Variants in SCAPER observed in about 807,000 individuals in gnomAD.
SCAPER encodes S-phase cyclin A associated protein in the ER.
A neutral mutation model predicts 182.2 loss-of-function variants in SCAPER; 98 were observed. The ratio of observed to expected loss-of-function variants is 0.54; its 90% CI spans 0.46 to 0.64. SCAPER has a LOEUF of 0.64. SCAPER is among the 30% of genes least tolerant of loss of function. SCAPER has a pLI of 0.00. For synonymous variants in SCAPER, 605 were observed against 564.6 expected (o/e 1.07, Z -1.01); for missense variants, 1,432 against 1,690.0 (o/e 0.85, Z 2.68).
rs181130134 is a variant in SCAPER, at chr15:76,374,772, C to T, written c.3855+1390G>A. Among the ~76,000 whole-genome samples, 35 of 152,154 alleles carry T rather than the reference C, an allele frequency of 2.3e-4. No homozygotes were observed. The East Asian group carries it at 5.8e-3, about 25-fold the overall frequency. ...AAAGTGCAGGGATTATAGGCGTGAA[C>T]CACTGCGCCCGGCCAAGTAGGGGGC... On this transcript the variant is annotated intron_variant, in intron 29 of 31. Coordinates refer to ENST00000563290, the MANE Select transcript of SCAPER (RefSeq NM_020843.4).
chr15:76,645,984 C>T (rs931040534), intron 21 of SCAPER, among the ~76,000 whole-genome samples: 7 of 152,102 alleles, frequency 4.6e-5, no homozygotes, highest in Admixed American at 3.9e-4. Context: ...TATCCTACTC[C>T]ACGGTCAGGC....
chr15:76,541,806 T>C (rs1253414037), intron 23 of SCAPER, among the ~76,000 whole-genome samples: 1 of 152,206 alleles, frequency 6.6e-6, no homozygotes, highest in Non-Finnish European at 1.5e-5. Flanking sequence ...CTTTTCCTAT[T>C]ACAGACACTT....
At chr15:76,415,772 G>C (rs2045603698) in intron 26 of SCAPER, among the ~76,000 whole-genome samples, 1 of 152,150 alleles carries the variant, frequency 6.6e-6, no homozygotes, top group Admixed American at 6.5e-5. Context: ...ACTTGGGAGA[G>C]AGTAAGGGGA....
chr15:76,487,949 T>A (rs2051823794), intron 24 of SCAPER, among the ~76,000 whole-genome samples: 1 of 152,182 alleles, frequency 6.6e-6, no homozygotes, highest in African/African-American at 2.4e-5. Context: ...TATAATCTGG[T>A]CCGAAGGATT....
chr15:76,497,633 G>C (rs959554149), intron 24 of SCAPER, among the ~76,000 whole-genome samples: 3 of 152,094 alleles, frequency 2.0e-5, no homozygotes, highest in Middle Eastern at 3.4e-3. Context: ...AAGACACAAA[G>C]GCAAAGACTT....
intron 25 of SCAPER, among the ~76,000 whole-genome samples, chr15:76,451,261 C>G (rs990693311): frequency 5.3e-5 from 8 of 152,166 alleles, no homozygotes; most frequent in African/African-American, 1.9e-4. Context: ...TATCAGTTCA[C>G]CTGTTCGTGG....
At chr15:76,566,822 A>G (rs924737419) in intron 23 of SCAPER, among the ~76,000 whole-genome samples, 3 of 152,218 alleles carry the variant, frequency 2.0e-5, no homozygotes, top group African/African-American at 7.2e-5. Flanking sequence ...TTAAATTCTA[A>G]AAATTAATTT....
chr15:76,444,091 G>A (rs990728733), intron 25 of SCAPER, among the ~76,000 whole-genome samples: 2 of 152,198 alleles, frequency 1.3e-5, no homozygotes, highest in African/African-American at 4.8e-5. Context: ...CTTCACCAGA[G>A]GGTCCTTTTC....
At chr15:76,481,245 T>C (rs1014148822) in intron 24 of SCAPER, among the ~76,000 whole-genome samples, 4 of 152,238 alleles carry the variant, frequency 2.6e-5, no homozygotes, top group African/African-American at 2.4e-5. Context: ...TGTGGCTAAA[T>C]TGCTTTATAA....
At chr15:76,370,167 T>C (rs957026060) in intron 29 of SCAPER, among the ~76,000 whole-genome samples, 3 of 151,962 alleles carry the variant, frequency 2.0e-5, no homozygotes, top group Non-Finnish European at 4.4e-5. Context: ...TCTGTGGTTC[T>C]AGTTTCAGCC....
chr15:76,772,019 A>G (rs1160958449), intron 9 of SCAPER, 65 bp from the exon 10 acceptor site: 2 of 1,271,896 alleles, frequency 1.6e-6, no homozygotes, highest in East Asian at 4.7e-5. Flanking sequence ...CTTTAGAAGA[A>G]GAGATGATTT....
intron 22 of SCAPER, among the ~76,000 whole-genome samples, chr15:76,608,612 A>C (rs2050684093): frequency 6.6e-6 from 1 of 152,160 alleles, no homozygotes; most frequent in South Asian, 2.1e-4. Context: ...CCCTGCCCCC[A>C]GAGGTGGAGC....
rs546733824 is a variant in SCAPER at position 76,357,254 on chromosome 15, G to A, written c.3856-3114C>T. ...TGAATTTTCACAAAGTGTATACACC[G>A]GTGTCACCAAGTACCCAATTAAGAA... On this transcript the variant is annotated intron_variant, in intron 29 of 31. Transcript: ENST00000563290. 4.9e-4 allele frequency among the ~76,000 whole-genome samples: 73 copies of A among 148,652 alleles called. No individual in the cohort carries two copies. The East Asian group carries it at 9.4e-3, about 19-fold the overall frequency.
intron 5 of SCAPER, among the ~76,000 whole-genome samples, chr15:76,839,727 T>C (rs1418790819): frequency 1.3e-5 from 2 of 152,234 alleles, no homozygotes; most frequent in African/African-American, 4.8e-5. Flanking sequence ...TAAGCTTTTA[T>C]AAAGCTTGGA....
intron 15 of SCAPER, among the ~76,000 whole-genome samples, chr15:76,734,329 G>T (rs2061112551): frequency 6.6e-6 from 1 of 152,274 alleles, no homozygotes; most frequent in South Asian, 2.1e-4. Flanking sequence ...AGAGCGGAGG[G>T]TATGCTACAG....
intron 26 of SCAPER, among the ~76,000 whole-genome samples, chr15:76,409,516 T>C (rs544846608): frequency 1.0e-3 from 157 of 152,286 alleles, no homozygotes; most frequent in East Asian, 1.7e-3. Context: ...TGTGTGTGTG[T>C]GTATACGATG....
At chr15:76,629,997 T>C (rs1194062690) in intron 21 of SCAPER, among the ~76,000 whole-genome samples, 1 of 152,198 alleles carries the variant, frequency 6.6e-6, no homozygotes, top group Non-Finnish European at 1.5e-5. Flanking sequence ...TGGGAGGGTG[T>C]TTATGTCCAG....
chr15:76,745,095 T>C (rs746803250), intron 15 of SCAPER, among the ~76,000 whole-genome samples: 10 of 151,878 alleles, frequency 6.6e-5, no homozygotes, highest in Admixed American at 2.0e-4. Flanking sequence ...TAAGCACATA[T>C]GGACATAAAC....
At chr15:76,782,596 T>A (rs902288502) in intron 8 of SCAPER, among the ~76,000 whole-genome samples, 2 of 152,024 alleles carry the variant, frequency 1.3e-5, no homozygotes, top group African/African-American at 2.4e-5. Context: ...CAGCACCACA[T>A]AGCACTTATT....
Sources: gnomAD v4.1 joint callset for allele counts (sites outside exome capture counted in the v4.1 genomes callset) on GRCh38, gnomAD v4.1.1 for gene constraint, MANE v1.5 for transcripts, NCBI Gene and HGNC (gene_info 2026-07-23, HGNC 2026-07-21) for gene names.